JDP2: variants seen among roughly 807,000 people sequenced by gnomAD.
The protein encoded by JDP2 is Jun dimerization protein 2, also known as progesterone receptor co-activator.
Under a neutral mutation model 17.1 loss-of-function variants are expected in JDP2, and 9 were observed. That is an observed-to-expected ratio of 0.53 (90% CI 0.32 to 0.92). The LOEUF is 0.92. JDP2 is among the 40% of genes least tolerant of loss of function. The pLI is 0.04. For missense variants in JDP2, 179 were observed against 220.0 expected (o/e 0.81, Z 1.18); for synonymous variants, 107 against 95.6 (o/e 1.12, Z -0.69).
chr14:75,438,568 G>A (rs954376465), intron 2 of JDP2, among the ~76,000 whole-genome samples: 13 of 152,184 alleles, frequency 8.5e-5, no homozygotes, highest in Admixed American at 7.2e-4. Flanking sequence ...TAGTCACATC[G>A]TGACCTCCAC....
chr14:75,434,036 C>A (rs891968334), intron 1 of JDP2, among the ~76,000 whole-genome samples: 1 of 152,120 alleles, frequency 6.6e-6, no homozygotes, highest in African/African-American at 2.4e-5. Flanking sequence ...ATGGAACAAC[C>A]AGTGTGGGAG....
chr14:75,468,966 AGGC>A (rs1433756513), intron 3 of JDP2, among the ~76,000 whole-genome samples: 1 of 152,178 alleles, frequency 6.6e-6, no homozygotes, highest in Non-Finnish European at 1.5e-5. Flanking sequence ...AAAGGCCCTG[AGGC>A]GGCAGAGTAT....
chr14:75,431,672 G>A (rs540151395), intron 1 of JDP2, among the ~76,000 whole-genome samples: 3 of 152,352 alleles, frequency 2.0e-5, no homozygotes, highest in African/African-American at 7.2e-5. Context: ...CTTTGTTTCT[G>A]TTCTGCAGTC....
At chr14:75,439,808 G>C (rs1199620361) in intron 2 of JDP2, among the ~76,000 whole-genome samples, 1 of 152,116 alleles carries the variant, frequency 6.6e-6, no homozygotes, top group Non-Finnish European at 1.5e-5. Context: ...CACCTTCCCA[G>C]GTCTGTAACT....
intron 2 of JDP2, among the ~76,000 whole-genome samples, chr14:75,443,183 G>A (rs1400006605): frequency 6.6e-6 from 1 of 152,086 alleles, no homozygotes; most frequent in African/African-American, 2.4e-5. Context: ...TCAGCCCCAG[G>A]TGGTCTTCCC....
At chr14:75,448,339 C>T (rs1438341713) in intron 2 of JDP2, among the ~76,000 whole-genome samples, 1 of 152,150 alleles carries the variant, frequency 6.6e-6, no homozygotes, top group African/African-American at 2.4e-5. Flanking sequence ...TACTGAAGCA[C>T]ACTCTCTGAA....
chr14:75,468,795 C>T (rs1482386431), intron 3 of JDP2, among the ~76,000 whole-genome samples: 1 of 152,330 alleles, frequency 6.6e-6, no homozygotes, highest in Middle Eastern at 3.4e-3. Flanking sequence ...CTCACTGATC[C>T]CACCGGCCAA....
intron 3 of JDP2, among the ~76,000 whole-genome samples, chr14:75,462,421 G>T (rs894421459): frequency 1.3e-5 from 2 of 152,198 alleles, no homozygotes; most frequent in Non-Finnish European, 2.9e-5. Context: ...AAAGTTGGGT[G>T]CTGTGCTGAA....
intron 3 of JDP2, among the ~76,000 whole-genome samples, chr14:75,464,090 A>G (rs557688928): frequency 6.6e-6 from 1 of 152,316 alleles, no homozygotes; most frequent in Admixed American, 6.5e-5. Flanking sequence ...TCTGGGCCCA[A>G]GCCCAGTCCT....
intron 2 of JDP2, among the ~76,000 whole-genome samples, chr14:75,450,645 C>G (rs1885808589): frequency 6.6e-6 from 1 of 152,202 alleles, no homozygotes; most frequent in African/African-American, 2.4e-5. Flanking sequence ...TGATTACATC[C>G]TGCTGTTGGG....
At chr14:75,457,950 A>G (rs1209760380) in intron 2 of JDP2, among the ~76,000 whole-genome samples, 1 of 152,238 alleles carries the variant, frequency 6.6e-6, no homozygotes, top group African/African-American at 2.4e-5. Context: ...CTAAGCCTGT[A>G]GCATCTCTCT....
chr14:75,437,109 G>A (rs1885097991), intron 1 of JDP2, among the ~76,000 whole-genome samples: 1 of 147,760 alleles, frequency 6.8e-6, no homozygotes, highest in African/African-American at 2.5e-5. Context: ...CAGGAGAATT[G>A]CTTGAACCCA....
intron 1 of JDP2, among the ~76,000 whole-genome samples, chr14:75,435,241 T>C (rs1234354053): frequency 6.6e-6 from 1 of 152,238 alleles, no homozygotes; most frequent in African/African-American, 2.4e-5. Context: ...TCCAGAGGGC[T>C]GAGAGGGAGC....
chr14:75,445,377 C>T, intron 2 of JDP2: 2 of 985,464 alleles, frequency 2.0e-6, no homozygotes, highest in South Asian at 4.7e-5. Context: ...TGACTGTGCT[C>T]TGCTCTGTGG....
At chr14:75,432,610 C>A (rs1052838866) in intron 1 of JDP2, among the ~76,000 whole-genome samples, 1 of 152,182 alleles carries the variant, frequency 6.6e-6, no homozygotes, top group East Asian at 1.9e-4. Flanking sequence ...AACCTTAGAC[C>A]GCACCCACGT....
intron 2 of JDP2, chr14:75,445,123 C>CT: frequency 1.0e-6 from 1 of 985,366 alleles, no homozygotes; most frequent in Non-Finnish European, 1.2e-6. Context: ...AGTTGGGAAA[C>CT]TGAGTCCTCT....
intron 2 of JDP2, among the ~76,000 whole-genome samples, chr14:75,453,454 C>T (rs1885961067): frequency 6.6e-6 from 1 of 152,208 alleles, no homozygotes; most frequent in Non-Finnish European, 1.5e-5. Flanking sequence ...CCGCAGTACT[C>T]CTTTCTGTGC....
At chr14:75,466,051 T>A (rs565964493) in intron 3 of JDP2, among the ~76,000 whole-genome samples, 1 of 152,150 alleles carries the variant, frequency 6.6e-6, no homozygotes, top group Non-Finnish European at 1.5e-5. Context: ...AAAAAAAAGA[T>A]TCTTCTGAAC....
At chr14:75,437,548 TC>T (rs1246927327) in intron 1 of JDP2, among the ~76,000 whole-genome samples, 1 of 152,202 alleles carries the variant, frequency 6.6e-6, no homozygotes, top group African/African-American at 2.4e-5. Flanking sequence ...CTTGGCTACT[TC>T]CTCTGTGTAA....
Sources: allele counts gnomAD v4.1 joint callset (sites outside exome capture counted in the v4.1 genomes callset), GRCh38; gene constraint gnomAD v4.1.1; transcripts MANE v1.5; gene names NCBI Gene and HGNC (gene_info 2026-07-23, HGNC 2026-07-21).